The following MYO15A variants were observed in gnomAD, a reference collection of about 807,000 sequenced individuals.
The protein encoded by MYO15A is myosin XVA.
MYO15A carries 308 observed loss-of-function variants against 394.6 expected under a neutral mutation model. That is an observed-to-expected ratio of 0.78 (90% CI 0.71 to 0.86). The LOEUF (loss-of-function observed/expected upper bound fraction) is 0.86, where lower values mean the gene tolerates loss of function less well. Among genes scored for constraint, MYO15A ranks in the 40% least tolerant of loss-of-function variants. The pLI, the probability that MYO15A is intolerant of heterozygous loss-of-function variation, is 0.00. For missense variants in MYO15A, 4,606 were observed against 4,799.1 expected (o/e 0.96, Z 1.19); for synonymous variants, 1,957 against 2,003.8 (o/e 0.98, Z 0.62).
rs897185709 is a variant in MYO15A, at chr17:18,131,624, C to T, written c.4206+93C>T. The T allele has an allele frequency of 9.0e-6, 13 of 1,449,760 alleles. No individual in the cohort carries two copies. The African/African-American group carries it at 1.1e-4, about 13-fold the overall frequency. The allele number at this position is 1,449,760 out of a possible 1,614,324, so 89.8% of individuals were successfully genotyped here. On this transcript the variant is annotated intron_variant, in intron 10 of 65. Transcript: ENST00000647165. ...CTGGCCCCTGGTAGGGCTAGGTAGACGTCAAATTAATGAACGAATACATGC... is the reference window on the plus strand; with the variant it reads ...CTGGCCCCTGGTAGGGCTAGGTAGATGTCAAATTAATGAACGAATACATGC...
chr17:18,121,690 T>C lies in MYO15A; in HGVS notation c.2890T>C (p.Phe964Leu), dbSNP rs1597757160. 4 of 1,480,310 alleles carry C rather than the reference T, an allele frequency of 2.7e-6. No homozygotes were observed. Among genetic ancestry groups the C allele is most frequent in the Non-Finnish European group, 3.6e-6 (4 of 1,099,812 alleles). 91.7% of individuals were successfully genotyped at this position (1,480,310 alleles called of 1,614,324 possible). Residue 964 changes from phenylalanine to leucine, a missense_variant, in exon 2 of 66, where the codon TTT becomes CTT. This residue lies in a region of MYO15A where 1,830 missense variants were observed against 1,689.7 expected (regional missense o/e 1.08). Transcript: ENST00000647165. The surrounding 1 kb of genome is among the most constrained non-coding windows in gnomAD (Gnocchi z 5.3). Reference protein sequence around the residue: ...SRPPPVPENPFLQLLGPVPSP... With the variant: ...SRPPPVPENPLLQLLGPVPSP... ...GCCACCCCCTGTGCCGGAAAACCCCTTTCTCCAGCTCCTGGGCCCTGTGCC... is the reference window on the plus strand; with the variant it reads ...GCCACCCCCTGTGCCGGAAAACCCCCTTCTCCAGCTCCTGGGCCCTGTGCC...
Position 18,154,724 on chromosome 17 carries a change from G to A in MYO15A, c.8193G>A (p.Glu2731=). ...TLSEACLRIS[E]DERLRMKALF... ...CCGAGGCCTGCCTTCGCATCTCTGAGGATGAGAGGCTCAGGATGAAGGCCT... is the reference window on the plus strand; with the variant it reads ...CCGAGGCCTGCCTTCGCATCTCTGAAGATGAGAGGCTCAGGATGAAGGCCT... The change falls in exon 45 of 66, where the codon GAG becomes GAA. Residue 2731 remains glutamate, a synonymous_variant. Coordinates refer to ENST00000647165, the MANE Select transcript of MYO15A (RefSeq NM_016239.4). 1 of 1,613,838 alleles carries A rather than the reference G, an allele frequency of 6.2e-7. No individual in the cohort carries two copies. The highest frequency in any genetic ancestry group is 8.5e-7 in the Non-Finnish European group (1 of 1,180,020).
intron 1 of MYO15A, chr17:18,109,771 A>G (rs564699556): frequency 2.0e-5 from 3 of 152,334 alleles, no homozygotes; most frequent in South Asian, 4.1e-4. Flanking sequence ...TCCCGGGGGT[A>G]GTATGGCCTG....
Position 18,119,191 on chromosome 17 carries a change from T to C in MYO15A, c.391T>C (p.Ser131Pro). The C allele has an allele frequency of 6.2e-7, 1 of 1,612,442 alleles. No homozygotes were observed. Residue 131 changes from serine to proline, a missense_variant, in exon 2 of 66, where the codon TCC becomes CCC. Coordinates refer to ENST00000647165, the MANE Select transcript of MYO15A (RefSeq NM_016239.4). The stretch of plus-strand genomic sequence containing the variant: ...GCGCGCCCGGTCACTCAGCAAAGCG[T>C]CCACGGCCATCAACTGGCTCACAAA... ...RPRARSLSKA[S>P]TAINWLTKKF...
rs2046329168 is a variant in MYO15A, at chr17:18,138,904, A to G, written c.5101A>G (p.Ile1701Val). Reference sequence around the variant, plus strand: ...CAAGATGCCGCTGCCTGAGTTCACCATCAAGCACTATGCAGGCAAGGTCAC... The same window carrying G: ...CAAGATGCCGCTGCCTGAGTTCACCGTCAAGCACTATGCAGGCAAGGTCAC... Reference protein sequence around the residue: ...KPKMPLPEFTIKHYAGKVTYQ... With the variant: ...KPKMPLPEFTVKHYAGKVTYQ... The change falls in exon 18 of 66, where the codon ATC (isoleucine) becomes GTC (valine). Residue 1701 changes from isoleucine to valine, a missense_variant. By Grantham distance (29) the Ile-to-Val change is conservative. Coordinates refer to ENST00000647165, the MANE Select transcript of MYO15A (RefSeq NM_016239.4). The G allele has an allele frequency of 1.2e-6, 2 of 1,612,990 alleles. No individual in the cohort carries two copies. The highest frequency in any genetic ancestry group is 1.7e-6 in the Non-Finnish European group (2 of 1,179,562).
In MYO15A at chr17:18,143,580, G is replaced by A. The variant is rs375290498; in HGVS notation, c.5925G>A (p.Trp1975Ter). Residue 1975 changes from tryptophan to a stop codon, truncating the protein, a stop_gained, in exon 26 of 66, where the codon TGG becomes TGA. Coordinates refer to ENST00000647165, the MANE Select transcript of MYO15A (RefSeq NM_016239.4). LOFTEE classifies it high-confidence loss of function. ...CTCTTCTGAAGCTGAGGGCAGAGTG[G>A]AGGTGCCAGGTGGAGGGGGCGCTGC... is the stretch of plus-strand genomic sequence containing the variant. Reference protein sequence around the residue: ...RRRYLKLRAEWRCQVEGALLW... With the variant: ...RRRYLKLRAE 1,342 of 1,560,974 alleles carry A rather than the reference G, an allele frequency of 8.6e-4. 18 individuals carry two copies. The South Asian group carries it at 0.014, about 16-fold the overall frequency.
intron 12 of MYO15A, 66 bp from the exon 13 acceptor site, chr17:18,135,645 T>C: frequency 6.6e-7 from 1 of 1,507,832 alleles, no homozygotes; most frequent in Non-Finnish European, 9.1e-7. Flanking sequence ...CCGGCCCTGT[T>C]TTTCATATGA....
At chr17:18,140,455 C>T (rs2046357328) in intron 19 of MYO15A, 62 bp from the exon 20 acceptor site, 1 of 1,608,832 alleles carries the variant, frequency 6.2e-7, no homozygotes, top group Non-Finnish European at 8.5e-7. Flanking sequence ...GCTCTCTCTT[C>T]CTCCTCATTT....
intron 54 of MYO15A, 107 bp from the exon 55 acceptor site, chr17:18,159,499 C>T (rs960985299): frequency 6.7e-7 from 1 of 1,481,512 alleles, no homozygotes; most frequent in Non-Finnish European, 9.4e-7. Context: ...AAGCTCCCAG[C>T]TGCCTGTGGC....
intron 48 of MYO15A, 55 bp downstream of exon 48, chr17:18,156,391 G>A: frequency 6.3e-7 from 1 of 1,583,984 alleles, no homozygotes; most frequent in Non-Finnish European, 8.6e-7. Context: ...CAGCAACAGG[G>A]ATCTCCCTGT....
rs576399072 is a variant in MYO15A, at chr17:18,138,137, T to C, written c.4898T>C (p.Ile1633Thr). ...EEQEEYIREQ[I>T]DWQEITFADN... ...CAGGAGGAGTACATCCGTGAGCAGA[T>C]AGACTGGCAGGAGATCACCTTTGCT... Residue 1633 changes from isoleucine to threonine, a missense_variant, in exon 17 of 66, where the codon ATA (isoleucine) becomes ACA (threonine). This residue lies in a region of MYO15A where 2,776 missense variants were observed against 3,109.3 expected (regional missense o/e 0.89). Coordinates refer to ENST00000647165, the MANE Select transcript of MYO15A (RefSeq NM_016239.4). The C allele has an allele frequency of 2.5e-6, 4 of 1,612,930 alleles. No homozygotes were observed. Among genetic ancestry groups the C allele is most frequent in the East Asian group, 2.2e-5 (1 of 44,884 alleles).
In MYO15A at chr17:18,151,284, G is replaced by T; in HGVS notation, c.7648G>T (p.Glu2550Ter). Residue 2550 changes from glutamate to a stop codon, truncating the protein, a stop_gained, in exon 39 of 66, where the codon GAA becomes TAA. Transcript: ENST00000647165. LOFTEE classifies it high-confidence loss of function. ...PVLAQDQASP[E>*]TTSPSPELVR... ...TCTAGCTCAGGATCAGGCTTCTCCA[G>T]AAACCAGTGAGTGCCCTATCCCAGC... is the stretch of plus-strand genomic sequence containing the variant. The T allele has an allele frequency of 6.2e-7, 1 of 1,614,170 alleles. No individual in the cohort carries two copies. The highest frequency in any genetic ancestry group is 8.5e-7 in the Non-Finnish European group (1 of 1,180,030).
Position 18,121,494 on chromosome 17 carries a change from G to T in MYO15A, c.2694G>T (p.Gly898=). The change falls in exon 2 of 66, where the codon GGG becomes GGT. Residue 898 remains glycine (G), a synonymous_variant. Transcript: ENST00000647165. The surrounding 1 kb of genome is among the most constrained non-coding windows in gnomAD (Gnocchi z 5.3). ...CCTTCCACCGACCGCCCAGGGCCGG[G>T]GCCTGGCGGGCGCCCCTGGAACACC... The part of the protein sequence containing the change: ...RLPFHRPPRA[G]AWRAPLEHRE... 6.4e-7 allele frequency: 1 copy of T among 1,552,012 alleles called. No individual in the cohort carries two copies. The highest frequency in any genetic ancestry group is 8.7e-7 in the Non-Finnish European group (1 of 1,148,174).
At chr17:18,152,317 G>A (rs1355673458) in intron 42 of MYO15A, 133 bp downstream of exon 42, 7 of 891,704 alleles carry the variant, frequency 7.9e-6, no homozygotes, top group Non-Finnish European at 1.2e-5. Context: ...GAGCACATTG[G>A]TGTAATTATA....
At chr17:18,158,046 A>C in intron 51 of MYO15A, 146 bp downstream of exon 51, 14 of 1,202,118 alleles carry the variant, frequency 1.2e-5, no homozygotes, top group Non-Finnish European at 1.5e-5. Context: ...GTGAGGGTGA[A>C]CCAGGTAGAG....
chr17:18,166,325 T>A, intron 60 of MYO15A, 36 bp from the exon 61 acceptor site: 1 of 1,606,100 alleles, frequency 6.2e-7, no homozygotes, highest in Non-Finnish European at 8.5e-7. Context: ...TGTGCACACA[T>A]GCCCCCACCC....
chr17:18,167,439 C>A (rs2046870371), intron 61 of MYO15A, 151 bp from the exon 62 acceptor site: 6 of 1,257,438 alleles, frequency 4.8e-6, no homozygotes, highest in Non-Finnish European at 6.7e-6. Context: ...CTTCTGCCAT[C>A]ATTCCCCGAA....
rs149486099 is a variant in MYO15A, at chr17:18,121,757, C to A, written c.2957C>A (p.Thr986Asn). 12 of 1,607,168 alleles carry A rather than the reference C, an allele frequency of 7.5e-6. No homozygotes were observed. Among genetic ancestry groups the A allele is most frequent in the African/African-American group, 6.7e-5 (5 of 74,780 alleles). ...CCTGAGGATCCAGCTGCTGATATGA[C>A]CAGGGTCTTCCTGGGCAGACACCAT... ...LQPEDPAADMTRVFLGRHHEP... is the reference protein window; with the variant it reads ...LQPEDPAADMNRVFLGRHHEP... Residue 986 changes from threonine (T) to asparagine (N), a missense_variant, in exon 2 of 66, where the codon ACC (threonine) becomes AAC (asparagine). Transcript: ENST00000647165. This position sits in a 1 kb window ranked among gnomAD's most constrained non-coding sequence, Gnocchi z 5.3.
At chr17:18,154,052 G>A in intron 43 of MYO15A, 79 bp from the exon 44 acceptor site, 1 of 1,605,674 alleles carries the variant, frequency 6.2e-7, no homozygotes, top group Non-Finnish European at 8.5e-7. Flanking sequence ...GGGCGGAACT[G>A]CATTTAGGGG....
Sources: allele counts gnomAD v4.1 joint callset, GRCh38; gene constraint gnomAD v4.1.1; regional missense constraint gnomAD v4.1.1; non-coding constraint Gnocchi (gnomAD v3.1); transcripts MANE v1.5; gene names NCBI Gene and HGNC (gene_info 2026-07-23, HGNC 2026-07-21).